The following RBMS1 variants were observed in gnomAD, a reference collection of about 807,000 sequenced individuals.
RBMS1 encodes the protein RNA-binding motif, single-stranded-interacting protein 1.
Under a neutral mutation model 62.3 loss-of-function variants are expected in RBMS1, and 17 were observed. The observed-to-expected ratio is 0.27, with a 90% CI of 0.19 to 0.41. The LOEUF (loss-of-function observed/expected upper bound fraction) is 0.41, where lower values mean the gene tolerates loss of function less well. Among genes scored for constraint, RBMS1 ranks in the 10% least tolerant of loss-of-function variants. RBMS1 has a pLI of 1.00. For missense variants in RBMS1, 334 were observed against 504.5 expected (o/e 0.66, Z 3.24); for synonymous variants, 172 against 170.0 (o/e 1.01, Z -0.09).
At chr2:160,328,984 A>G (rs1691104446) in intron 2 of RBMS1, among the ~76,000 whole-genome samples, 1 of 152,174 alleles carries the variant, frequency 6.6e-6, no homozygotes, top group African/African-American at 2.4e-5. Context: ...GAAGCTATTA[A>G]AACAGTGTGC....
Position 160,467,357 on chromosome 2 carries a change from T to C in RBMS1, c.75+25932A>G, listed in dbSNP as rs148513768. 1.4e-4 allele frequency among the ~76,000 whole-genome samples: 22 copies of C among 152,312 alleles called. No homozygotes were observed. In the East Asian group the frequency reaches 4.3e-3, roughly 29 times the overall value. On this transcript the variant is annotated intron_variant, in intron 1 of 13. Coordinates refer to ENST00000348849, the MANE Select transcript of RBMS1 (RefSeq NM_016836.4). Reference sequence around the variant, plus strand: ...CAAGGAGAAGAACCAGGATTTCTGATTAAACACCACTTGGATTCCTAGTCT... The same window carrying C: ...CAAGGAGAAGAACCAGGATTTCTGACTAAACACCACTTGGATTCCTAGTCT...
At chr2:160,376,631 T>C (rs1232562536) in intron 1 of RBMS1, among the ~76,000 whole-genome samples, 3 of 152,092 alleles carry the variant, frequency 2.0e-5, no homozygotes, top group African/African-American at 7.2e-5. Flanking sequence ...TATTTTTTAA[T>C]TTATCTTATT....
intron 9 of RBMS1, chr2:160,282,132 T>C: frequency 1.2e-6 from 1 of 869,316 alleles, no homozygotes; most frequent in Non-Finnish European, 1.7e-6. Flanking sequence ...GTAATTTTAT[T>C]AAGTTTCAGT....
chr2:160,412,906 A>C (rs1696087439), intron 1 of RBMS1, among the ~76,000 whole-genome samples: 1 of 152,234 alleles, frequency 6.6e-6, no homozygotes, highest in Non-Finnish European at 1.5e-5. Context: ...GAGGCGTCCT[A>C]GAGGACCCAA....
intron 13 of RBMS1, among the ~76,000 whole-genome samples, chr2:160,275,147 A>G (rs1189995619): frequency 6.6e-6 from 1 of 152,212 alleles, no homozygotes; most frequent in Non-Finnish European, 1.5e-5. Context: ...TGGTAAAGTG[A>G]AAAGTTTTGA....
chr2:160,328,411 T>G (rs1481673611), intron 2 of RBMS1, among the ~76,000 whole-genome samples: 1 of 152,052 alleles, frequency 6.6e-6, no homozygotes, highest in African/African-American at 2.4e-5. Flanking sequence ...AGCACAGTTT[T>G]TTTTTTTTTC....
intron 2 of RBMS1, among the ~76,000 whole-genome samples, chr2:160,344,141 A>G (rs540947974): frequency 6.6e-6 from 1 of 152,236 alleles, no homozygotes; most frequent in African/African-American, 2.4e-5. Flanking sequence ...TGAAAGTTAT[A>G]TTTTTTAAAA....
At chr2:160,311,234 A>ATCTATATATCTATATATATATATATC (rs781541742) in intron 4 of RBMS1, among the ~76,000 whole-genome samples, 1 of 107,448 alleles carries the variant, frequency 9.3e-6, no homozygotes, top group African/African-American at 3.3e-5. Flanking sequence ...CTATCTATCT[A>ATCTATATATCTATATATATATATATC]TATATATATA....
chr2:160,455,683 C>CTTTT (rs67701380), intron 1 of RBMS1, among the ~76,000 whole-genome samples: 4 of 127,208 alleles, frequency 3.1e-5, no homozygotes, highest in African/African-American at 6.0e-5. Flanking sequence ...CATTCCCAAG[C>CTTTT]TTTTTTTTTT....
intron 1 of RBMS1, among the ~76,000 whole-genome samples, chr2:160,371,169 A>T (rs1025363223): frequency 2.6e-5 from 4 of 152,258 alleles, no homozygotes; most frequent in Admixed American, 1.3e-4. Flanking sequence ...TGATAAATTT[A>T]CAGCAATTAC....
intron 6 of RBMS1, among the ~76,000 whole-genome samples, chr2:160,289,187 A>C (rs1488116414): frequency 6.6e-6 from 1 of 152,226 alleles, no homozygotes; most frequent in African/African-American, 2.4e-5. Context: ...GGGAGTGATG[A>C]CATGTTTGCA....
At chr2:160,285,083 A>G (rs1279002373) in intron 7 of RBMS1, 39 bp from the exon 8 acceptor site, 12 of 1,581,512 alleles carry the variant, frequency 7.6e-6, no homozygotes, top group Admixed American at 5.0e-5. Context: ...TTCATCTAGA[A>G]AGGCATGATT....
intron 1 of RBMS1, among the ~76,000 whole-genome samples, chr2:160,442,242 C>T (rs1042596364): frequency 6.6e-6 from 1 of 152,198 alleles, no homozygotes; most frequent in African/African-American, 2.4e-5. Flanking sequence ...ATCACAATGA[C>T]ACTTCCATGT....
At chr2:160,275,231 A>C (rs960235362) in intron 13 of RBMS1, among the ~76,000 whole-genome samples, 1 of 152,256 alleles carries the variant, frequency 6.6e-6, no homozygotes, top group Non-Finnish European at 1.5e-5. Flanking sequence ...TAAATTCATA[A>C]TCAAGATGTT....
At chr2:160,305,613 T>C (rs2105955447) in intron 4 of RBMS1, among the ~76,000 whole-genome samples, 1 of 152,292 alleles carries the variant, frequency 6.6e-6, no homozygotes, top group South Asian at 2.1e-4. Flanking sequence ...GATTGCACAC[T>C]GGTAGGTGAC....
intron 2 of RBMS1, among the ~76,000 whole-genome samples, chr2:160,348,853 A>C (rs1256235362): frequency 3.3e-5 from 5 of 152,176 alleles, no homozygotes; most frequent in African/African-American, 1.2e-4. Flanking sequence ...CTATAATCTG[A>C]AAACTTGATG....
chr2:160,281,758 C>T lies in RBMS1; in HGVS notation c.901-394G>A, dbSNP rs1042213640. 11 of 178,590 alleles carry T rather than the reference C, an allele frequency of 6.2e-5. No homozygotes were observed. The South Asian group carries it at 1.1e-3, about 17-fold the overall frequency. 11.1% of individuals were successfully genotyped at this position (178,590 alleles called of 1,614,324 possible). ...GTGCTTTAGAATTACAGATGAATGACGATTAATTCCAGCACATCTTATTAG... is the reference window on the plus strand; with the variant it reads ...GTGCTTTAGAATTACAGATGAATGATGATTAATTCCAGCACATCTTATTAG... On this transcript the variant is annotated intron_variant, in intron 9 of 13. Transcript: ENST00000348849.
At chr2:160,355,254 G>A (rs1458462371) in intron 2 of RBMS1, among the ~76,000 whole-genome samples, 2 of 152,046 alleles carry the variant, frequency 1.3e-5, no homozygotes, top group African/African-American at 4.8e-5. Context: ...TGTTTCAGCT[G>A]ACAGAATGTT....
At chr2:160,464,691 T>A (rs532028139) in intron 1 of RBMS1, among the ~76,000 whole-genome samples, 1 of 152,248 alleles carries the variant, frequency 6.6e-6, no homozygotes. Flanking sequence ...TTCACTATTT[T>A]CCATTTAAAA....
Sources: gnomAD v4.1 joint callset for allele counts (sites outside exome capture counted in the v4.1 genomes callset) on GRCh38, gnomAD v4.1.1 for gene constraint, MANE v1.5 for transcripts, NCBI Gene and HGNC (gene_info 2026-07-23, HGNC 2026-07-21) for gene names.